KCNMB2: variants seen among roughly 807,000 people sequenced by gnomAD.
KCNMB2 encodes potassium calcium-activated channel subfamily M regulatory beta subunit 2, also known as calcium-activated potassium channel subunit beta-2.
Under a neutral mutation model 24.5 loss-of-function variants are expected in KCNMB2, and 9 were observed. That is an observed-to-expected ratio of 0.37 (90% confidence interval 0.22 to 0.64). The LOEUF is 0.64. KCNMB2 is among the 30% of genes least tolerant of loss of function. The pLI is 0.63. For missense variants in KCNMB2, 226 were observed against 284.3 expected, an observed-to-expected ratio of 0.79 and a Z score of 1.47; for synonymous variants, 109 against 104.4, an observed-to-expected ratio of 1.04 and a Z score of -0.27.
At chr3:178,575,309 G>A (rs1226095597) in intron 1 of KCNMB2, among the ~76,000 whole-genome samples, 2 of 152,208 alleles carry the variant, frequency 1.3e-5, no homozygotes, top group East Asian at 1.9e-4. Flanking sequence ...TCTGGGGTAG[G>A]GGGTTATGTC....
intron 1 of KCNMB2, among the ~76,000 whole-genome samples, chr3:178,629,706 T>C (rs752715805): frequency 3.3e-5 from 5 of 152,068 alleles, no homozygotes; most frequent in Admixed American, 3.3e-4. Context: ...TGACCTCAAA[T>C]AAATACACAA....
At chr3:178,635,780 G>T (rs1719499047) in intron 1 of KCNMB2, among the ~76,000 whole-genome samples, 1 of 152,130 alleles carries the variant, frequency 6.6e-6, no homozygotes, top group Non-Finnish European at 1.5e-5. Flanking sequence ...ATTTATATTT[G>T]GGCATGAAAT....
At chr3:178,761,035 A>C (rs1269770378) in intron 1 of KCNMB2, among the ~76,000 whole-genome samples, 1 of 152,148 alleles carries the variant, frequency 6.6e-6, no homozygotes, top group African/African-American at 2.4e-5. Flanking sequence ...TGAATTTCAT[A>C]AAAATGGGAA....
At chr3:178,553,266 A>T (rs934034455) in intron 1 of KCNMB2, among the ~76,000 whole-genome samples, 1 of 152,220 alleles carries the variant, frequency 6.6e-6, no homozygotes, top group Admixed American at 6.5e-5. Flanking sequence ...ACAATCTGGC[A>T]CCATGCTAGA....
At chr3:178,766,713 CT>C (rs772558825) in intron 1 of KCNMB2, among the ~76,000 whole-genome samples, 6 of 152,278 alleles carry the variant, frequency 3.9e-5, no homozygotes, top group Admixed American at 3.9e-4. Context: ...GAATTATTCA[CT>C]TGATTTGATA....
intron 1 of KCNMB2, among the ~76,000 whole-genome samples, chr3:178,561,478 T>C (rs573077020): frequency 1.3e-5 from 2 of 152,316 alleles, no homozygotes; most frequent in African/African-American, 4.8e-5. Context: ...TAAATGGCTC[T>C]ACGACTCTCA....
intron 1 of KCNMB2, among the ~76,000 whole-genome samples, chr3:178,615,200 A>G (rs557064598): frequency 3.2e-4 from 49 of 152,338 alleles, no homozygotes; most frequent in Admixed American, 9.8e-4. Flanking sequence ...CCAGCACTAC[A>G]ATGACTGCAC....
At chr3:178,655,287 T>C (rs1425092946) in intron 1 of KCNMB2, among the ~76,000 whole-genome samples, 3 of 152,154 alleles carry the variant, frequency 2.0e-5, no homozygotes, top group Non-Finnish European at 2.9e-5. Flanking sequence ...AATTATTGTA[T>C]TATGTGTTAG....
intron 1 of KCNMB2, among the ~76,000 whole-genome samples, chr3:178,676,595 C>A (rs1022986780): frequency 6.6e-6 from 1 of 152,198 alleles, no homozygotes; most frequent in African/African-American, 2.4e-5. Context: ...CCACTGAGCC[C>A]TAAGCTTGAG....
chr3:178,706,585 G>C (rs1490465392), intron 1 of KCNMB2, among the ~76,000 whole-genome samples: 3 of 151,984 alleles, frequency 2.0e-5, no homozygotes, highest in Non-Finnish European at 4.4e-5. Context: ...TGAGCCCTCA[G>C]GAACTTCATA....
chr3:178,673,303 G>T (rs1465484150), intron 1 of KCNMB2, among the ~76,000 whole-genome samples: 1 of 151,920 alleles, frequency 6.6e-6, no homozygotes, highest in Non-Finnish European at 1.5e-5. Context: ...ACCTCAAGTG[G>T]GCCTAAGGGA....
intron 1 of KCNMB2, among the ~76,000 whole-genome samples, chr3:178,746,715 C>G (rs148205638): frequency 6.6e-6 from 1 of 152,288 alleles, no homozygotes; most frequent in Non-Finnish European, 1.5e-5. Flanking sequence ...CACCAGATAA[C>G]CTAAATCATC....
chr3:178,798,002 C>G (rs1052736568), intron 1 of KCNMB2, among the ~76,000 whole-genome samples: 16 of 152,166 alleles, frequency 1.1e-4, no homozygotes, highest in African/African-American at 3.9e-4. Context: ...TGAGATCTTG[C>G]TGAAGTTGCT....
In KCNMB2 at chr3:178,843,350, A is replaced by G; in HGVS notation, c.*413A>G. ...GTTTACTAAAGCTACAGCCAAAAAT[A>G]TTTTTTTTTCTTATTCTAAACTGAG... On this transcript the variant is annotated 3_prime_UTR_variant, in exon 5 of 5. Coordinates refer to ENST00000452583, the MANE Select transcript of KCNMB2 (RefSeq NM_181361.3). 2.8e-6 allele frequency: 1 copy of G among 353,284 alleles called. No individual in the cohort carries two copies. Among genetic ancestry groups the G allele is most frequent in the South Asian group, 2.1e-5 (1 of 47,024 alleles). The allele number at this position is 353,284 out of a possible 1,614,324, so 21.9% of individuals were successfully genotyped here.
intron 4 of KCNMB2, among the ~76,000 whole-genome samples, chr3:178,829,227 G>A (rs1455664406): frequency 1.3e-5 from 2 of 151,962 alleles, no homozygotes; most frequent in South Asian, 2.1e-4. Flanking sequence ...AAGACAACTC[G>A]ATGCCACTCT....
At chr3:178,696,045 G>T (rs577533670) in intron 1 of KCNMB2, among the ~76,000 whole-genome samples, 46 of 152,318 alleles carry the variant, frequency 3.0e-4, no homozygotes, top group African/African-American at 9.4e-4. Flanking sequence ...GTTCAGCTTG[G>T]CTGGGAGGCC....
chr3:178,817,228 A>ATATATATATATATATATACAT (rs1553781212), intron 2 of KCNMB2, among the ~76,000 whole-genome samples: 1 of 102,380 alleles, frequency 9.8e-6, no homozygotes, highest in South Asian at 3.2e-4. Context: ...TATATATATA[A>ATATATATATATATATATACAT]ATGAAGTGTG....
intron 1 of KCNMB2, among the ~76,000 whole-genome samples, chr3:178,614,404 A>C (rs1224548071): frequency 6.7e-6 from 1 of 148,538 alleles, no homozygotes; most frequent in Non-Finnish European, 1.5e-5. Context: ...GAGGCCTCAT[A>C]ATCATGGCAG....
chr3:178,838,030 T>A (rs1715295507), intron 4 of KCNMB2, among the ~76,000 whole-genome samples: 1 of 152,214 alleles, frequency 6.6e-6, no homozygotes, highest in African/African-American at 2.4e-5. Context: ...CACAAAAATA[T>A]ACAGATACCT....
Sources: allele counts gnomAD v4.1 joint callset (sites outside exome capture counted in the v4.1 genomes callset), GRCh38; gene constraint gnomAD v4.1.1; transcripts MANE v1.5; gene names NCBI Gene and HGNC (gene_info 2026-07-23, HGNC 2026-07-21).